Variants in ATP6V0A1 observed in about 807,000 individuals in gnomAD.
ATP6V0A1 encodes the protein V-type proton ATPase 116 kDa subunit a 1.
ATP6V0A1 carries 43 observed loss-of-function variants against 105.4 expected under a neutral mutation model. The observed-to-expected ratio is 0.41, with a 90% confidence interval of 0.32 to 0.53. ATP6V0A1 has a LOEUF of 0.53. Among genes scored for constraint, ATP6V0A1 ranks in the 20% least tolerant of loss-of-function variants. The pLI is 0.30. For synonymous variants in ATP6V0A1, 362 were observed against 372.8 expected (o/e 0.97, Z 0.33); for missense variants, 676 against 1,051.1 (o/e 0.64, Z 4.93).
Position 42,478,530 on chromosome 17 carries a change from C to G in ATP6V0A1, c.574C>G (p.Arg192Gly). 6.2e-7 allele frequency: 1 copy of G among 1,610,096 alleles called. No individual in the cohort carries two copies. Among genetic ancestry groups the G allele is most frequent in the Non-Finnish European group, 8.5e-7 (1 of 1,177,736 alleles). ...TFERMLWRVC[R>G]GNVFLRQAEI... ...TGAGCGCATGCTTTGGCGGGTATGC[C>G]GGGGAAATGTGTTCCTGCGACAGGC... Residue 192 changes from arginine to glycine, a missense_variant, in exon 7 of 22, where the codon CGG becomes GGG. Physicochemically the swap from Arg to Gly is moderately radical, Grantham distance 125. Coordinates refer to ENST00000343619, the MANE Select transcript of ATP6V0A1 (RefSeq NM_001130021.3).
intron 4 of ATP6V0A1, among the ~76,000 whole-genome samples, chr17:42,469,097 C>T (rs1441965050): frequency 1.3e-5 from 2 of 152,124 alleles, no homozygotes; most frequent in Admixed American, 6.6e-5. Context: ...ATCTGCCTGC[C>T]TCAGCCTCCC....
chr17:42,500,649 G>C (rs2091597868), intron 15 of ATP6V0A1, 58 bp from the exon 16 acceptor site: 1 of 1,354,166 alleles, frequency 7.4e-7, no homozygotes. Context: ...ACTCCATTCA[G>C]TGTAGGAGTG....
chr17:42,486,181 G>C (rs1387563156), intron 9 of ATP6V0A1, among the ~76,000 whole-genome samples: 6 of 152,138 alleles, frequency 3.9e-5, no homozygotes, highest in Non-Finnish European at 1.5e-5. Context: ...GGGAGGCCGA[G>C]GTGGGTGGAT....
chr17:42,466,685 G>C (rs1482234136), intron 3 of ATP6V0A1, among the ~76,000 whole-genome samples, 178 bp downstream of exon 3: 1 of 152,210 alleles, frequency 6.6e-6, no homozygotes, highest in African/African-American at 2.4e-5. Flanking sequence ...TTTGGGCTAA[G>C]TAGTGCTTAA....
intron 15 of ATP6V0A1, among the ~76,000 whole-genome samples, chr17:42,499,787 C>CAAAA (rs773248675): frequency 2.4e-5 from 3 of 123,190 alleles, no homozygotes. Context: ...GACTCCATCT[C>CAAAA]AAAAAAAAAA....
chr17:42,507,087 C>T (rs999881061), intron 17 of ATP6V0A1, among the ~76,000 whole-genome samples: 3 of 152,238 alleles, frequency 2.0e-5, no homozygotes, highest in Non-Finnish European at 4.4e-5. Context: ...GGTACAATCA[C>T]AATGTCACTT....
chr17:42,479,413 C>T (rs7218616), intron 7 of ATP6V0A1, among the ~76,000 whole-genome samples: 152,287 of 152,394 alleles, frequency 1, 76,090 homozygotes, highest in Middle Eastern at 1. Context: ...GTTTAACATC[C>T]TGGCATTTGC....
chr17:42,464,925 A>G (rs2086859437), intron 2 of ATP6V0A1, among the ~76,000 whole-genome samples: 1 of 152,122 alleles, frequency 6.6e-6, no homozygotes, highest in Admixed American at 6.6e-5. Context: ...TTTATCACAT[A>G]CTATTTTATT....
chr17:42,466,014 C>A (rs190773818), intron 2 of ATP6V0A1, among the ~76,000 whole-genome samples: 6 of 152,182 alleles, frequency 3.9e-5, no homozygotes, highest in Admixed American at 3.3e-4. Flanking sequence ...TAAACTAAAG[C>A]CTGTCACTGA....
chr17:42,490,685 T>G (rs768840064), intron 11 of ATP6V0A1, 48 bp downstream of exon 11: 117 of 1,539,574 alleles, frequency 7.6e-5, no homozygotes, highest in Non-Finnish European at 8.7e-5. Context: ...TTTTTGTTTG[T>G]TTGGTTGGTT....
chr17:42,499,701 T>C (rs187509239), intron 15 of ATP6V0A1, among the ~76,000 whole-genome samples: 133 of 151,650 alleles, frequency 8.8e-4, no homozygotes, highest in African/African-American at 3.1e-3. Flanking sequence ...GGCAGGAGAA[T>C]TGCTTGAACC....
rs748062218 is a variant in ATP6V0A1 at position 42,468,047 on chromosome 17, G to A, written c.234G>A (p.Pro78=). The A allele has an allele frequency of 2.2e-5, 36 of 1,605,192 alleles. No homozygotes were observed. The highest frequency in any genetic ancestry group is 1.0e-4 in the Admixed American group (6 of 58,890). The change falls in exon 4 of 22, where the codon CCG becomes CCA. Residue 78 remains proline, a synonymous_variant. Coordinates refer to ENST00000343619, the MANE Select transcript of ATP6V0A1 (RefSeq NM_001130021.3). ...AAGAGATAAGAAAAGCTAACATTCC[G>A]ATTATGGACACCGGTGAAAACCCAG... ...VEKEIRKANI[P]IMDTGENPEV...
At chr17:42,512,627 A>C (rs2092402112) in intron 19 of ATP6V0A1, among the ~76,000 whole-genome samples, 1 of 152,210 alleles carries the variant, frequency 6.6e-6, no homozygotes, top group African/African-American at 2.4e-5. Flanking sequence ...ACGTTCGCCC[A>C]GAGATGGCAT....
intron 11 of ATP6V0A1, among the ~76,000 whole-genome samples, chr17:42,491,147 G>A (rs2090585944): frequency 6.6e-6 from 1 of 152,012 alleles, no homozygotes; most frequent in African/African-American, 2.4e-5. Flanking sequence ...TGGGCTCAAG[G>A]AAGCCTCCTG....
chr17:42,491,614 G>A (rs910928833), intron 11 of ATP6V0A1, among the ~76,000 whole-genome samples: 19 of 152,208 alleles, frequency 1.2e-4, no homozygotes, highest in African/African-American at 4.3e-4. Context: ...CTCCCGAGTA[G>A]CTGGGATTAT....
intron 21 of ATP6V0A1, among the ~76,000 whole-genome samples, chr17:42,514,975 G>A (rs760059882): frequency 3.3e-5 from 5 of 152,102 alleles, no homozygotes; most frequent in Non-Finnish European, 5.9e-5. Context: ...TGGCTCTATA[G>A]GGTGGAGGTC....
At chr17:42,483,341 C>G (rs566532526) in intron 9 of ATP6V0A1, among the ~76,000 whole-genome samples, 3 of 152,132 alleles carry the variant, frequency 2.0e-5, no homozygotes, top group African/African-American at 7.2e-5. Flanking sequence ...TCAAACGAGA[C>G]AGGAATGTAA....
intron 17 of ATP6V0A1, among the ~76,000 whole-genome samples, chr17:42,506,091 T>C (rs1703593361): frequency 6.6e-6 from 1 of 152,172 alleles, no homozygotes; most frequent in Non-Finnish European, 1.5e-5. Context: ...CCCAGCCCCT[T>C]ATCCATATAC....
intron 10 of ATP6V0A1, among the ~76,000 whole-genome samples, chr17:42,487,705 G>A (rs1314672138): frequency 6.6e-6 from 1 of 151,682 alleles, no homozygotes; most frequent in African/African-American, 2.4e-5. Context: ...TCCAGCCTGG[G>A]CAACAGAGCG....
Sources: gnomAD v4.1 joint callset for allele counts (sites outside exome capture counted in the v4.1 genomes callset) on GRCh38, gnomAD v4.1.1 for gene constraint, MANE v1.5 for transcripts, NCBI Gene and HGNC (gene_info 2026-07-23, HGNC 2026-07-21) for gene names.